BZW2: variants seen among roughly 807,000 people sequenced by gnomAD.
The protein encoded by BZW2 is basic leucine zipper and W2 domains 2.
Under a neutral mutation model 53.2 loss-of-function variants are expected in BZW2, and 23 were observed. The ratio of observed to expected loss-of-function variants is 0.43; its 90% CI spans 0.31 to 0.61. The LOEUF is 0.61. Among genes scored for constraint, BZW2 ranks in the 20% least tolerant of loss-of-function variants. BZW2 has a pLI of 0.09. For synonymous variants in BZW2, 227 were observed against 186.4 expected (o/e 1.22, Z -1.77); for missense variants, 409 against 503.1 (o/e 0.81, Z 1.79).
chr7:16,668,247 C>T (rs1028448586), intron 2 of BZW2, among the ~76,000 whole-genome samples: 30 of 152,108 alleles, frequency 2.0e-4, no homozygotes, highest in Admixed American at 5.9e-4. Flanking sequence ...CAACAGCAGA[C>T]GTGAGTCAGC....
At chr7:16,704,408 A>G in intron 10 of BZW2, 139 bp from the exon 11 acceptor site, 4 of 889,542 alleles carry the variant, frequency 4.5e-6, no homozygotes, top group Non-Finnish European at 6.3e-6. Flanking sequence ...ATGAAAATCA[A>G]CTTGGTTCCT....
intron 6 of BZW2, among the ~76,000 whole-genome samples, chr7:16,689,549 A>C (rs1471649641): frequency 1.3e-5 from 2 of 152,266 alleles, no homozygotes; most frequent in Non-Finnish European, 2.9e-5. Flanking sequence ...ATAAACTTGC[A>C]GTTAGACCAG....
chr7:16,650,591 C>G (rs818583), intron 1 of BZW2, among the ~76,000 whole-genome samples: 105,240 of 152,092 alleles, frequency 0.69, 37,495 homozygotes, highest in African/African-American at 0.87. Context: ...ATTTTTTGAT[C>G]TTTACAATTT....
Position 16,661,171 on chromosome 7 carries a change from G to A in BZW2, c.-7-4266G>A. The A allele has an allele frequency of 1.3e-5, 2 of 152,126 alleles. 1 individual carries two copies. Among genetic ancestry groups the A allele is most frequent in the Non-Finnish European group, 2.9e-5 (2 of 68,000 alleles). The allele number at this position is 152,126 out of a possible 1,614,324, so 9.4% of individuals were successfully genotyped here. A position where few individuals can be genotyped will look rare whatever the true frequency, so the allele number is the denominator to read the frequency against. On this transcript the variant is annotated intron_variant, in intron 1 of 11. Transcript: ENST00000258761. Reference sequence around the variant, plus strand: ...CATAGTTCAAAGATGAGTCATACCAGAGCAGTCAAAAATAGAATCTAAGAC... The same window carrying A: ...CATAGTTCAAAGATGAGTCATACCAAAGCAGTCAAAAATAGAATCTAAGAC...
intron 6 of BZW2, among the ~76,000 whole-genome samples, chr7:16,688,050 T>G (rs1230807548): frequency 6.6e-6 from 1 of 152,142 alleles, no homozygotes; most frequent in Non-Finnish European, 1.5e-5. Flanking sequence ...TTAACTTAGT[T>G]TCTTTGCTTA....
At chr7:16,704,694 A>G in intron 11 of BZW2, 25 bp downstream of exon 11, 1 of 1,549,060 alleles carries the variant, frequency 6.5e-7, no homozygotes. Context: ...ACAAACATTG[A>G]TGACCTTTAA....
At chr7:16,664,537 A>G (rs892196017) in intron 1 of BZW2, among the ~76,000 whole-genome samples, 1 of 152,224 alleles carries the variant, frequency 6.6e-6, no homozygotes, top group Admixed American at 6.5e-5. Flanking sequence ...AAAGAGATCA[A>G]TGTGACTGGA....
intron 7 of BZW2, 92 bp downstream of exon 7, chr7:16,689,998 G>A: frequency 1.2e-6 from 1 of 840,170 alleles, no homozygotes; most frequent in Admixed American, 3.1e-5. Context: ...AAGATCCCTG[G>A]ATCTGTGTTG....
intron 3 of BZW2, among the ~76,000 whole-genome samples, chr7:16,678,652 C>G (rs142518022): frequency 1.8e-3 from 268 of 152,218 alleles, no homozygotes; most frequent in African/African-American, 6.0e-3. Context: ...AAAGCAATAG[C>G]AATAATTAGC....
At chr7:16,689,120 G>A (rs1009141432) in intron 6 of BZW2, among the ~76,000 whole-genome samples, 1 of 152,148 alleles carries the variant, frequency 6.6e-6, no homozygotes, top group Admixed American at 6.5e-5. Flanking sequence ...CAGCTACTTG[G>A]GAGGCTGAGG....
chr7:16,687,600 A>C (rs1228960472), intron 6 of BZW2: 1 of 152,166 alleles, frequency 6.6e-6, no homozygotes, highest in Non-Finnish European at 1.5e-5. Flanking sequence ...ACACCTGTAC[A>C]ATCCCAGCTG....
chr7:16,698,155 C>G lies in BZW2; in HGVS notation c.1077C>G (p.Ala359=). ...ACGACAACATCCATTTCATGAAAGC[C>G]TTTCAGAAGATTGTGGTTCTCTTTT... ...YCYDNIHFMK[A]FQKIVVLFYK... Residue 359 remains alanine, a synonymous_variant, in exon 10 of 12, where the codon GCC becomes GCG. Coordinates refer to ENST00000258761, the MANE Select transcript of BZW2 (RefSeq NM_014038.3). 1 of 1,614,180 alleles carries G rather than the reference C, an allele frequency of 6.2e-7. No individual in the cohort carries two copies. The highest frequency in any genetic ancestry group is 1.7e-5 in the Admixed American group (1 of 60,026).
intron 10 of BZW2, among the ~76,000 whole-genome samples, chr7:16,699,983 A>G (rs186750747): frequency 6.6e-6 from 1 of 152,324 alleles, no homozygotes; most frequent in East Asian, 1.9e-4. Context: ...TTGATTAACT[A>G]GGTAATCAGC....
intron 8 of BZW2, chr7:16,696,062 C>T (rs1783475422): frequency 6.6e-6 from 1 of 151,972 alleles, no homozygotes. Context: ...GAAGGCTGCT[C>T]AAGTCACTGC....
At chr7:16,695,914 T>A (rs925329532) in intron 8 of BZW2, 1 of 152,188 alleles carries the variant, frequency 6.6e-6, no homozygotes, top group Non-Finnish European at 1.5e-5. Flanking sequence ...CAAGCAAGAA[T>A]TTGTACATTA....
At position 16,706,329 on chromosome 7, in the gene BZW2, A is replaced by G; in HGVS notation, c.*241A>G. ...ACTCACTATATGCTAACTTAAAGCC[A>G]TTCAACAAGGAGTCAAGTAGATCTG... On this transcript the variant is annotated 3_prime_UTR_variant, in exon 12 of 12. Transcript: ENST00000258761. The G allele has an allele frequency of 2.2e-6, 1 of 452,592 alleles. No individual in the cohort carries two copies. Among genetic ancestry groups the G allele is most frequent in the Non-Finnish European group, 3.9e-6 (1 of 254,944 alleles). 28.0% of individuals were successfully genotyped at this position (452,592 alleles called of 1,614,324 possible). A position where few individuals can be genotyped will look rare whatever the true frequency, so the allele number is the denominator to read the frequency against.
intron 2 of BZW2, 50 bp downstream of exon 2, chr7:16,665,551 T>C: frequency 1.3e-6 from 2 of 1,597,088 alleles, no homozygotes; most frequent in Non-Finnish European, 1.7e-6. Flanking sequence ...AACCAAAATA[T>C]AAGATTGGAG....
chr7:16,676,471 C>T (rs1782768672), intron 3 of BZW2, among the ~76,000 whole-genome samples: 1 of 152,016 alleles, frequency 6.6e-6, no homozygotes, highest in Non-Finnish European at 1.5e-5. Flanking sequence ...TCTCTTGAAT[C>T]CAGGAAGTGG....
At position 16,706,189 on chromosome 7, in the gene BZW2, GA is replaced by G. The variant is rs925299490; in HGVS notation, c.*111del. 4,400 of 1,185,436 alleles carry G rather than the reference GA, an allele frequency of 3.7e-3. 1 individual carries two copies. The highest frequency in any genetic ancestry group is 5.6e-3 in the South Asian group (374 of 66,206). The allele number at this position is 1,185,436 out of a possible 1,614,324, so 73.4% of individuals were successfully genotyped here. On this transcript the variant is annotated 3_prime_UTR_variant, in exon 12 of 12. Transcript: ENST00000258761. ...AAACTTGGCTTCTGTTTTCGCAAAG[GA>G]AAAAAAAAATAGGATAGGCTTCCCT...
Sources: allele counts gnomAD v4.1 joint callset (sites outside exome capture counted in the v4.1 genomes callset), GRCh38; gene constraint gnomAD v4.1.1; transcripts MANE v1.5; gene names NCBI Gene and HGNC (gene_info 2026-07-23, HGNC 2026-07-21).